The following DCC variants were observed in gnomAD, a reference collection of about 807,000 sequenced individuals.
The protein encoded by DCC is DCC netrin 1 receptor, also known as netrin receptor DCC.
DCC carries 58 observed loss-of-function variants against 172.5 expected under a neutral mutation model. The ratio of observed to expected loss-of-function variants is 0.34; its 90% confidence interval spans 0.27 to 0.42. The LOEUF (loss-of-function observed/expected upper bound fraction) is 0.42. Among genes scored for constraint, DCC ranks in the 10% least tolerant of loss-of-function variants. The pLI, the probability that DCC is intolerant of heterozygous loss-of-function variation, is 1.00. For synonymous variants in DCC, 709 were observed against 644.5 expected (o/e 1.10, Z -1.52); for missense variants, 1,740 against 1,791.0 (o/e 0.97, Z 0.51).
At chr18:52,684,641 C>A (rs2035800622) in intron 1 of DCC, among the ~76,000 whole-genome samples, 1 of 152,028 alleles carries the variant, frequency 6.6e-6, no homozygotes, top group African/African-American at 2.4e-5. Flanking sequence ...AGTGATTGGG[C>A]AAACTCATCC....
chr18:52,786,525 C>T (rs1013707318), intron 2 of DCC, among the ~76,000 whole-genome samples: 4 of 151,978 alleles, frequency 2.6e-5, no homozygotes, highest in African/African-American at 7.2e-5. Context: ...TATACTTGGC[C>T]TGATTATTTG....
Position 53,015,463 on chromosome 18 carries a change from G to C in DCC, c.986-47842G>C, listed in dbSNP as rs2041795054. On this transcript the variant is annotated intron_variant, in intron 5 of 28. Transcript: ENST00000442544. Reference sequence around the variant, plus strand: ...TGTTTCTGATGTAGACTAACCTTCAGTTGGTTGTGTTTAGTTGCTAGTGGC... The same window carrying C: ...TGTTTCTGATGTAGACTAACCTTCACTTGGTTGTGTTTAGTTGCTAGTGGC... Among the ~76,000 whole-genome samples, 3 of 152,094 alleles carry C rather than the reference G, an allele frequency of 2.0e-5. No individual in the cohort carries two copies. In the South Asian group the frequency reaches 6.2e-4, roughly 31 times the overall value.
At chr18:52,548,729 C>A (rs1461312219) in intron 1 of DCC, among the ~76,000 whole-genome samples, 1 of 152,070 alleles carries the variant, frequency 6.6e-6, no homozygotes, top group Non-Finnish European at 1.5e-5. Flanking sequence ...GATGGCATTT[C>A]AGCAAAAATG....
At chr18:53,500,510 T>G (rs1202947540) in intron 27 of DCC, among the ~76,000 whole-genome samples, 2 of 152,000 alleles carry the variant, frequency 1.3e-5, no homozygotes, top group Non-Finnish European at 2.9e-5. Context: ...GTTGCATTAG[T>G]ACACAAGCCA....
chr18:52,524,891 T>A (rs1253208830), intron 1 of DCC, among the ~76,000 whole-genome samples: 1 of 109,222 alleles, frequency 9.2e-6, no homozygotes, highest in African/African-American at 3.2e-5. Flanking sequence ...GGTTTTTAGA[T>A]TTTTTTTTAT....
chr18:52,768,621 T>C lies in DCC; in HGVS notation c.412+16247T>C, dbSNP rs187324401. On this transcript the variant is annotated intron_variant, in intron 2 of 28. Transcript: ENST00000442544. ...CATTTGTATTATGTTGTGTCTGGCA[T>C]AAGACCTTTTTCTAAAGCTTTACAA... is the stretch of plus-strand genomic sequence containing the variant. Among the ~76,000 whole-genome samples the C allele has an allele frequency of 2.0e-5, 3 of 152,338 alleles. No individual in the cohort carries two copies. In the East Asian group the frequency reaches 5.8e-4, roughly 29 times the overall value.
chr18:52,594,035 G>A (rs1299926553), intron 1 of DCC, among the ~76,000 whole-genome samples: 1 of 152,178 alleles, frequency 6.6e-6, no homozygotes, highest in African/African-American at 2.4e-5. Context: ...GCAAAATAGG[G>A]AGTAGGCAGC....
rs192165914 is a variant in DCC at position 52,579,806 on chromosome 18, G to T, written c.92-172248G>T. 1.3e-4 allele frequency among the ~76,000 whole-genome samples: 20 copies of T among 152,298 alleles called. No individual in the cohort carries two copies. The East Asian group carries it at 3.9e-3, about 29-fold the overall frequency. ...GCAATTGAATTAAAAAGGTACAACT[G>T]ATTTTAGAAAAGGCAAAAGCAGGAA... On this transcript the variant is annotated intron_variant, in intron 1 of 28. Transcript: ENST00000442544.
chr18:52,962,885 C>T (rs2040865819), intron 5 of DCC, among the ~76,000 whole-genome samples: 2 of 141,942 alleles, frequency 1.4e-5, no homozygotes, highest in Admixed American at 1.6e-4. Flanking sequence ...TGTTCTCACT[C>T]ATAGGTAGGA....
At position 53,427,912 on chromosome 18, in the gene DCC, AATAATATAATATATAAT is replaced by A. The variant is rs1440209187; in HGVS notation, c.3164-7217_3164-7201del. On this transcript the variant is annotated intron_variant, in intron 21 of 28. Transcript: ENST00000442544. ...ATATAATAAATTATATATAATATAT[AATAATATAATATATAAT>A]ATAATATAATATATTATAATATATA... Among the ~76,000 whole-genome samples the A allele has an allele frequency of 2.6e-3, 149 of 57,186 alleles. 24 individuals carry two copies. The highest frequency in any genetic ancestry group is 7.2e-3 in the African/African-American group (139 of 19,254). 37.5% of individuals were successfully genotyped at this position (57,186 alleles called of 152,430 possible).
At chr18:53,077,613 T>C (rs919050466) in intron 7 of DCC, among the ~76,000 whole-genome samples, 1 of 152,152 alleles carries the variant, frequency 6.6e-6, no homozygotes, top group Admixed American at 6.6e-5. Context: ...CAGTGGACTC[T>C]CCCATGGTTA....
At chr18:52,934,610 A>T (rs577452486) in intron 5 of DCC, among the ~76,000 whole-genome samples, 16 of 152,292 alleles carry the variant, frequency 1.1e-4, no homozygotes, top group Admixed American at 9.2e-4. Flanking sequence ...TTCATTGACC[A>T]CTGCAATGGA....
chr18:52,377,034 C>G (rs1598874385), intron 1 of DCC, among the ~76,000 whole-genome samples: 1 of 152,172 alleles, frequency 6.6e-6, no homozygotes, highest in East Asian at 1.9e-4. Flanking sequence ...AGGATAATCT[C>G]TTTCTTCAGG....
At chr18:52,652,610 T>C (rs917767149) in intron 1 of DCC, among the ~76,000 whole-genome samples, 3 of 152,094 alleles carry the variant, frequency 2.0e-5, no homozygotes, top group Non-Finnish European at 4.4e-5. Context: ...TCAGTCTCAG[T>C]GTGCTTTGGC....
At chr18:52,427,859 C>T (rs201077781) in intron 1 of DCC, among the ~76,000 whole-genome samples, 1,458 of 73,416 alleles carry the variant, frequency 0.02, 37 homozygotes, top group African/African-American at 0.073. Flanking sequence ...TTCCTTCCTT[C>T]CTTCCTTCCT....
At chr18:52,951,192 G>T (rs1201069256) in intron 5 of DCC, among the ~76,000 whole-genome samples, 1 of 152,092 alleles carries the variant, frequency 6.6e-6, no homozygotes, top group Non-Finnish European at 1.5e-5. Context: ...GCACTGACAT[G>T]AGAATCTCTA....
chr18:52,682,181 AC>A (rs779423372), intron 1 of DCC, among the ~76,000 whole-genome samples: 5 of 152,094 alleles, frequency 3.3e-5, no homozygotes, highest in Non-Finnish European at 7.4e-5. Flanking sequence ...CCAAATATGA[AC>A]CGGTCAATGT....
intron 2 of DCC, chr18:52,758,656 T>G (rs773589266): frequency 6.7e-6 from 1 of 148,654 alleles, no homozygotes; most frequent in Non-Finnish European, 1.5e-5. Context: ...CTTTATGTTC[T>G]TACTTAAAAG....
chr18:53,107,108 A>G (rs2043260084), intron 7 of DCC, among the ~76,000 whole-genome samples: 1 of 151,766 alleles, frequency 6.6e-6, no homozygotes, highest in Admixed American at 6.6e-5. Flanking sequence ...AGAATGCCTA[A>G]CTTCCTGAGA....
Sources: allele counts gnomAD v4.1 joint callset (sites outside exome capture counted in the v4.1 genomes callset), GRCh38; gene constraint gnomAD v4.1.1; transcripts MANE v1.5; gene names NCBI Gene and HGNC (gene_info 2026-07-23, HGNC 2026-07-21).